Variants in DNAJC6 observed in about 807,000 individuals in gnomAD.
The protein encoded by DNAJC6 is auxilin.
In DNAJC6, 34 loss-of-function variants were observed where a neutral mutation model predicts 110.0. The ratio of observed to expected loss-of-function variants is 0.31; its 90% confidence interval spans 0.24 to 0.41. DNAJC6 has a LOEUF of 0.41. Among genes scored for constraint, DNAJC6 ranks in the 10% least tolerant of loss-of-function variants. DNAJC6 has a pLI of 1.00. For missense variants in DNAJC6, 1,031 were observed against 1,207.8 expected, an observed-to-expected ratio of 0.85 and a Z score of 2.17; for synonymous variants, 406 against 437.2, an observed-to-expected ratio of 0.93 and a Z score of 0.89.
intron 13 of DNAJC6, among the ~76,000 whole-genome samples, chr1:65,395,493 T>C (rs1303501139): frequency 6.6e-6 from 1 of 152,190 alleles, no homozygotes; most frequent in African/African-American, 2.4e-5. Context: ...GTTTGGGATA[T>C]GATAGCCACT....
intron 1 of DNAJC6, among the ~76,000 whole-genome samples, chr1:65,297,959 T>G (rs2101259525): frequency 6.6e-6 from 1 of 152,136 alleles, no homozygotes; most frequent in Non-Finnish European, 1.5e-5. Flanking sequence ...GAACCCACTT[T>G]AACCCCCTAT....
chr1:65,372,256 T>C (rs1272041727), intron 4 of DNAJC6, among the ~76,000 whole-genome samples: 1 of 151,788 alleles, frequency 6.6e-6, no homozygotes, highest in Non-Finnish European at 1.5e-5. Flanking sequence ...TTCATTCTGT[T>C]ACAGTCTAAA....
At chr1:65,363,464 A>G (rs1645617072) in intron 1 of DNAJC6, among the ~76,000 whole-genome samples, 2 of 152,134 alleles carry the variant, frequency 1.3e-5, no homozygotes, top group Admixed American at 1.3e-4. Flanking sequence ...AAAACTATGG[A>G]GAATATCACA....
At chr1:65,311,081 A>G (rs956971051) in intron 1 of DNAJC6, among the ~76,000 whole-genome samples, 2 of 152,182 alleles carry the variant, frequency 1.3e-5, no homozygotes, top group Admixed American at 6.5e-5. Flanking sequence ...CAGATGCTCA[A>G]ATGTCCTGGG....
chr1:65,284,034 G>T (rs1461778203), intron 1 of DNAJC6, among the ~76,000 whole-genome samples: 10 of 151,934 alleles, frequency 6.6e-5, no homozygotes, highest in Non-Finnish European at 1.5e-4. Flanking sequence ...CCCAGCCTGG[G>T]TCCCGGGGTC....
chr1:65,285,727 C>T (rs1396023144), intron 1 of DNAJC6, among the ~76,000 whole-genome samples: 1 of 152,108 alleles, frequency 6.6e-6, no homozygotes, highest in Admixed American at 6.5e-5. Flanking sequence ...GGCTGGAGTG[C>T]AGTGCTGTGA....
chr1:65,379,324 A>G, intron 4 of DNAJC6, 78 bp from the exon 5 acceptor site: 1 of 1,558,588 alleles, frequency 6.4e-7, no homozygotes, highest in South Asian at 1.2e-5. Context: ...CTTCCAGAAG[A>G]TGTTGGTTGG....
At chr1:65,301,997 GAGAGAA>G (rs1008233857) in intron 1 of DNAJC6, among the ~76,000 whole-genome samples, 1 of 150,346 alleles carries the variant, frequency 6.7e-6, no homozygotes, top group East Asian at 1.9e-4. Flanking sequence ...GAGAGAGAGG[GAGAGAA>G]AGAGAAAGAG....
At chr1:65,341,882 G>T (rs1014048159) in intron 1 of DNAJC6, among the ~76,000 whole-genome samples, 1 of 152,090 alleles carries the variant, frequency 6.6e-6, no homozygotes, top group East Asian at 1.9e-4. Context: ...GACCAAGTCC[G>T]TATGAGGGAC....
chr1:65,386,469 G>A (rs187205213), intron 7 of DNAJC6, among the ~76,000 whole-genome samples: 2 of 152,242 alleles, frequency 1.3e-5, no homozygotes, highest in East Asian at 3.9e-4. Context: ...TGGATTTTTT[G>A]TTCCCTTTAT....
Position 65,364,659 on chromosome 1 carries a change from C to G in DNAJC6, c.218C>G (p.Pro73Arg), listed in dbSNP as rs1263677964. The change falls in exon 2 of 19, where the codon CCC (proline) becomes CGC (arginine). Residue 73 changes from proline to arginine, a missense_variant. Pro to Arg is a moderately radical substitution (Grantham distance 103, BLOSUM62 -2). Transcript: ENST00000371069. ...GGTGCCTCATCTCCAGACATGGAGC[C>G]CAGCTATGGGGGAGGTCTCTTTGAC... The part of the protein sequence containing the change: ...SSGASSPDME[P>R]SYGGGLFDMV... 6.2e-7 allele frequency: 1 copy of G among 1,610,372 alleles called. No homozygotes were observed. Among genetic ancestry groups the G allele is most frequent in the East Asian group, 2.2e-5 (1 of 44,812 alleles).
intron 1 of DNAJC6, among the ~76,000 whole-genome samples, chr1:65,299,879 G>A (rs903420452): frequency 6.6e-6 from 1 of 151,826 alleles, no homozygotes; most frequent in African/African-American, 2.4e-5. Flanking sequence ...CTGAAACCCC[G>A]TCTCTACTAA....
intron 4 of DNAJC6, among the ~76,000 whole-genome samples, chr1:65,372,146 GGTGTGT>G (rs59816601): frequency 0.1 from 14,785 of 140,944 alleles, 1,198 homozygotes; most frequent in African/African-American, 0.23. Flanking sequence ...TGACATTTGG[GGTGTGT>G]GTGTGTGTGT....
At chr1:65,290,508 G>A (rs1245318806) in intron 1 of DNAJC6, among the ~76,000 whole-genome samples, 4 of 152,104 alleles carry the variant, frequency 2.6e-5, no homozygotes, top group African/African-American at 9.7e-5. Context: ...AAATTTAAAT[G>A]CATTTGTTCA....
chr1:65,401,858 T>G lies in DNAJC6; in HGVS notation c.2205T>G (p.Pro735=), dbSNP rs923911877. ...AAAGCAAACCCCAGACTCTGGATCC[T>G]TTTGCCGACCTTGGGACACTAGGTA... is the stretch of plus-strand genomic sequence containing the variant. ...THQSKPQTLD[P]FADLGTLGSS... Residue 735 remains proline (P), a synonymous_variant, in exon 15 of 19, where the codon CCT becomes CCG. Coordinates refer to ENST00000371069, the MANE Select transcript of DNAJC6 (RefSeq NM_001256864.2). 2 of 1,613,382 alleles carry G rather than the reference T, an allele frequency of 1.2e-6. No homozygotes were observed. The highest frequency in any genetic ancestry group is 1.7e-6 in the Non-Finnish European group (2 of 1,179,864).
intron 1 of DNAJC6, among the ~76,000 whole-genome samples, chr1:65,349,608 A>G (rs1184551733): frequency 1.3e-5 from 2 of 152,084 alleles, no homozygotes; most frequent in Non-Finnish European, 2.9e-5. Context: ...TTTTTCTATC[A>G]GCACTCTAAA....
At chr1:65,312,267 G>A (rs1424812195) in intron 1 of DNAJC6, among the ~76,000 whole-genome samples, 1 of 152,166 alleles carries the variant, frequency 6.6e-6, no homozygotes, top group East Asian at 1.9e-4. Context: ...TAGAAGTACA[G>A]GGTATCTTAC....
chr1:65,289,107 T>G (rs915415685), intron 1 of DNAJC6, among the ~76,000 whole-genome samples: 1 of 152,334 alleles, frequency 6.6e-6, no homozygotes, highest in African/African-American at 2.4e-5. Flanking sequence ...TTTTACAAAG[T>G]GGTTGTACCA....
At chr1:65,399,119 A>G (rs1037770378) in intron 14 of DNAJC6, among the ~76,000 whole-genome samples, 1 of 152,200 alleles carries the variant, frequency 6.6e-6, no homozygotes, top group African/African-American at 2.4e-5. Flanking sequence ...TATCTTGACA[A>G]TAGAATCAGA....
Sources: allele counts gnomAD v4.1 joint callset (sites outside exome capture counted in the v4.1 genomes callset), GRCh38; gene constraint gnomAD v4.1.1; transcripts MANE v1.5; gene names NCBI Gene and HGNC (gene_info 2026-07-23, HGNC 2026-07-21).